Variants in IQSEC3 observed in about 807,000 individuals in gnomAD.
IQSEC3 encodes the protein IQ motif and SEC7 domain-containing protein 3.
IQSEC3 carries 50 observed loss-of-function variants against 105.4 expected under a neutral mutation model. The ratio of observed to expected loss-of-function variants is 0.47; its 90% CI spans 0.38 to 0.60. The LOEUF (loss-of-function observed/expected upper bound fraction) is 0.60. Ranked by LOEUF, IQSEC3 falls within the 20% of genes least tolerant of loss-of-function variation. IQSEC3 has a pLI of 0.00. For synonymous variants in IQSEC3, 708 were observed against 746.0 expected, an observed-to-expected ratio of 0.95 and a Z score of 0.83; for missense variants, 1,415 against 1,630.0, an observed-to-expected ratio of 0.87 and a Z score of 2.27.
intron 12 of IQSEC3, among the ~76,000 whole-genome samples, chr12:170,480 G>T (rs1938924187): frequency 6.6e-6 from 1 of 152,226 alleles, no homozygotes; most frequent in Non-Finnish European, 1.5e-5. Context: ...GGGGAAGCTG[G>T]CACCCCCAGG....
chr12:157,704 T>C lies in IQSEC3; in HGVS notation c.2443+10T>C, dbSNP rs1555094920. The C allele has an allele frequency of 1.9e-6, 3 of 1,608,352 alleles. No homozygotes were observed. The South Asian group carries it at 3.3e-5, about 18-fold the overall frequency. Reference sequence around the variant, plus strand: ...ATCCGAAACCTTCGAGGTGAGGAGGTGGGCACTGGGGCAGGAGGGGCAAGG... The same window carrying C: ...ATCCGAAACCTTCGAGGTGAGGAGGCGGGCACTGGGGCAGGAGGGGCAAGG... On this transcript the variant is annotated intron_variant, in intron 7 of 13. Coordinates refer to ENST00000538872, the MANE Select transcript of IQSEC3 (RefSeq NM_001170738.2).
chr12:138,846 C>G lies in IQSEC3; in HGVS notation c.1483C>G (p.Gln495Glu), dbSNP rs1565426425. 4 of 1,612,386 alleles carry G rather than the reference C, an allele frequency of 2.5e-6. No individual in the cohort carries two copies. Among genetic ancestry groups the G allele is most frequent in the Non-Finnish European group, 3.4e-6 (4 of 1,179,430 alleles). ...GGACGTCACGGTGCAGATCGCCAAC[C>G]AGAACATATCCGTCTCCTCCTCCAC... is the stretch of plus-strand genomic sequence containing the variant. ...FRDVTVQIAN[Q>E]NISVSSSTAL... Residue 495 changes from glutamine (Q) to glutamate (E), a missense_variant, in exon 4 of 14, where the codon CAG becomes GAG. Physicochemically the swap from Gln to Glu is conservative, Grantham distance 29. This residue lies in a region of IQSEC3 where 720 missense variants were observed against 633.0 expected (regional missense o/e 1.14). Coordinates refer to ENST00000538872, the MANE Select transcript of IQSEC3 (RefSeq NM_001170738.2). The surrounding 1 kb of genome is among the most constrained non-coding windows in gnomAD (Gnocchi z 7.1).
chr12:145,002 TTAAA>T (rs1305917143), intron 5 of IQSEC3, among the ~76,000 whole-genome samples: 1 of 152,228 alleles, frequency 6.6e-6, no homozygotes, highest in Non-Finnish European at 1.5e-5. Flanking sequence ...TGGCTAATTG[TTAAA>T]TATTTTTGTA....
intron 1 of IQSEC3, among the ~76,000 whole-genome samples, chr12:93,364 G>T (rs2136907394): frequency 6.6e-6 from 1 of 152,304 alleles, no homozygotes; most frequent in African/African-American, 2.4e-5. Flanking sequence ...ATTCTGATGG[G>T]ACATCCTGGC....
At position 95,352 on chromosome 12, in the gene IQSEC3, CA is replaced by C. The variant is rs569901679; in HGVS notation, c.555-3788del. 5.3e-5 allele frequency among the ~76,000 whole-genome samples: 8 copies of C among 152,182 alleles called. No individual in the cohort carries two copies. In the East Asian group the frequency reaches 1.2e-3, roughly 22 times the overall value. On this transcript the variant is annotated intron_variant, in intron 1 of 13. Coordinates refer to ENST00000538872, the MANE Select transcript of IQSEC3 (RefSeq NM_001170738.2). Reference sequence around the variant, plus strand: ...CCTATAGATTATATATAATCTGTAACAAAAAATGTATTAATGAACAAAAGTC... The same window carrying C: ...CCTATAGATTATATATAATCTGTAACAAAAATGTATTAATGAACAAAAGTC...
chr12:79,230 A>C (rs1245292352), intron 1 of IQSEC3, among the ~76,000 whole-genome samples: 5 of 151,180 alleles, frequency 3.3e-5, no homozygotes, highest in Non-Finnish European at 5.9e-5. Context: ...GCCCTCCCTC[A>C]CCCCCCGCCT....
intron 1 of IQSEC3, among the ~76,000 whole-genome samples, chr12:76,459 G>T (rs539177812): frequency 1.3e-5 from 2 of 152,364 alleles, no homozygotes; most frequent in Non-Finnish European, 1.5e-5. Flanking sequence ...AGATGCATAG[G>T]CTTCACAGCA....
intron 3 of IQSEC3, among the ~76,000 whole-genome samples, chr12:129,472 C>A (rs375948444): frequency 9.2e-5 from 14 of 152,138 alleles, no homozygotes; most frequent in African/African-American, 3.4e-4. Context: ...CACAGCAAGA[C>A]GGTCCTCCTG....
intron 1 of IQSEC3, among the ~76,000 whole-genome samples, chr12:81,581 T>C (rs1299999243): frequency 2.0e-5 from 3 of 152,082 alleles, no homozygotes; most frequent in Non-Finnish European, 4.4e-5. Context: ...GCCAAAGTTA[T>C]TAGAAGGATG....
At chr12:102,932 C>A (rs1311169434) in intron 2 of IQSEC3, among the ~76,000 whole-genome samples, 2 of 152,092 alleles carry the variant, frequency 1.3e-5, no homozygotes, top group East Asian at 1.9e-4. Flanking sequence ...TCCCCAAACC[C>A]CCCTAGGAAG....
chr12:74,131 G>A (rs1214170803), intron 1 of IQSEC3, among the ~76,000 whole-genome samples: 3 of 152,310 alleles, frequency 2.0e-5, no homozygotes, highest in South Asian at 2.1e-4. Context: ...AAAGTGGAGA[G>A]TGAGGGAAAT....
Position 126,278 on chromosome 12 carries a change from C to T in IQSEC3, c.903+366C>T, listed in dbSNP as rs557360188. Among the ~76,000 whole-genome samples, 4 of 152,344 alleles carry T rather than the reference C, an allele frequency of 2.6e-5. No homozygotes were observed. In the South Asian group the frequency reaches 8.3e-4, roughly 32 times the overall value. The stretch of plus-strand genomic sequence containing the variant: ...TGCTTAGAGGCCATAGTCCAGCTTC[C>T]ACGCCCACCAAGGGAGCCGGTGTTA... On this transcript the variant is annotated intron_variant, in intron 3 of 13. Coordinates refer to ENST00000538872, the MANE Select transcript of IQSEC3 (RefSeq NM_001170738.2).
In IQSEC3 at chr12:175,423, G is replaced by A; in HGVS notation, c.*390G>A. ...GGGCCTTGGGCAGCAGCATGAGGCTGGGCCGGCCGGCAGTGGAGCACTAGA... is the reference window on the plus strand; with the variant it reads ...GGGCCTTGGGCAGCAGCATGAGGCTAGGCCGGCCGGCAGTGGAGCACTAGA... On this transcript the variant is annotated 3_prime_UTR_variant, in exon 14 of 14. Transcript: ENST00000538872. The A allele has an allele frequency of 5.2e-6, 1 of 193,632 alleles. No individual in the cohort carries two copies. Among genetic ancestry groups the A allele is most frequent in the Non-Finnish European group, 1.0e-5 (1 of 95,600 alleles). The allele number at this position is 193,632 out of a possible 1,614,324, so 12.0% of individuals were successfully genotyped here. A position where few individuals can be genotyped will look rare whatever the true frequency, so the allele number is the denominator to read the frequency against.
rs1234825313 is a variant in IQSEC3 at position 72,565 on chromosome 12, G to A, written c.554+5129G>A. Among the ~76,000 whole-genome samples the A allele has an allele frequency of 5.3e-5, 7 of 130,890 alleles. 1 individual carries two copies. The highest frequency in any genetic ancestry group is 1.3e-4 in the Non-Finnish European group (7 of 55,400). 85.9% of individuals were successfully genotyped at this position (130,890 alleles called of 152,430 possible). A position where few individuals can be genotyped will look rare whatever the true frequency, so the allele number is the denominator to read the frequency against. On this transcript the variant is annotated intron_variant, in intron 1 of 13. Transcript: ENST00000538872. ...CCTGGGGACACTCTCACTGCACCCA[G>A]CAGACTCTCAGAGGTGAGGCCATCT...
chr12:115,497 T>G (rs55786139), intron 2 of IQSEC3, among the ~76,000 whole-genome samples: 45,443 of 152,000 alleles, frequency 0.3, 7,541 homozygotes, highest in Non-Finnish European at 0.37. Context: ...CTAGAAAGAA[T>G]GAGACAAGGT....
intron 2 of IQSEC3, among the ~76,000 whole-genome samples, chr12:116,385 C>G (rs1216120728): frequency 1.3e-5 from 2 of 152,196 alleles, no homozygotes; most frequent in Non-Finnish European, 2.9e-5. Flanking sequence ...CCCCGGAGAC[C>G]TGGTCCCCAG....
intron 1 of IQSEC3, among the ~76,000 whole-genome samples, chr12:68,611 C>A (rs1863190030): frequency 6.6e-6 from 1 of 152,382 alleles, no homozygotes; most frequent in South Asian, 2.1e-4. Flanking sequence ...AAGAACAGTT[C>A]AAGGGAAATT....
At position 138,365 on chromosome 12, in the gene IQSEC3, C is replaced by T; in HGVS notation, c.1002C>T (p.Asn334=). The T allele has an allele frequency of 1.2e-6, 2 of 1,613,322 alleles. No individual in the cohort carries two copies. Among genetic ancestry groups the T allele is most frequent in the Non-Finnish European group, 1.7e-6 (2 of 1,180,018 alleles). ...TAFRQYQLSK[N]FEKIRNSLLE... is the part of the protein sequence containing the mutation. ...TCCGCCAATACCAGCTCAGCAAGAA[C>T]TTCGAGAAAATCCGCAACTCGCTTC... The change falls in exon 4 of 14, where the codon AAC becomes AAT. Residue 334 remains asparagine, a synonymous_variant. Transcript: ENST00000538872. The surrounding 1 kb of genome is among the most constrained non-coding windows in gnomAD (Gnocchi z 7.1).
intron 2 of IQSEC3, among the ~76,000 whole-genome samples, chr12:107,548 T>G (rs989999947): frequency 3.3e-5 from 5 of 151,542 alleles, no homozygotes; most frequent in Admixed American, 2.6e-4. Flanking sequence ...TAGCTGGGAC[T>G]ACAGGTGCCC....
Sources: gnomAD v4.1 joint callset for allele counts (sites outside exome capture counted in the v4.1 genomes callset) on GRCh38, gnomAD v4.1.1 for gene constraint, gnomAD v4.1.1 regional missense constraint, Gnocchi (gnomAD v3.1) non-coding constraint, MANE v1.5 for transcripts, NCBI Gene and HGNC (gene_info 2026-07-23, HGNC 2026-07-21) for gene names.